GRID2: variants seen among roughly 807,000 people sequenced by gnomAD.
GRID2 encodes the protein glutamate receptor ionotropic, delta-2.
GRID2 carries 33 observed loss-of-function variants against 114.8 expected under a neutral mutation model. The observed-to-expected ratio is 0.29, with a 90% CI of 0.22 to 0.38. The LOEUF is 0.38. GRID2 is among the 10% of genes least tolerant of loss of function. The pLI, the probability that GRID2 is intolerant of heterozygous loss-of-function variation, is 1.00. For synonymous variants in GRID2, 505 were observed against 449.9 expected, an observed-to-expected ratio of 1.12 and a Z score of -1.55; for missense variants, 1,184 against 1,257.7, an observed-to-expected ratio of 0.94 and a Z score of 0.89.
chr4:93,024,519 T>C (rs1578782010), intron 2 of GRID2, among the ~76,000 whole-genome samples: 1 of 151,882 alleles, frequency 6.6e-6, no homozygotes, highest in East Asian at 1.9e-4. Context: ...AAAATCTTTA[T>C]AGTTTAGCAG....
chr4:92,956,384 T>G (rs983572048), intron 2 of GRID2, among the ~76,000 whole-genome samples: 2 of 152,176 alleles, frequency 1.3e-5, no homozygotes, highest in Admixed American at 1.3e-4. Context: ...ATTCTCCTTA[T>G]GTATCCCTCC....
intron 14 of GRID2, among the ~76,000 whole-genome samples, chr4:93,684,700 G>C (rs1434554984): frequency 6.6e-6 from 1 of 151,990 alleles, no homozygotes; most frequent in Non-Finnish European, 1.5e-5. Flanking sequence ...AAACAGGCCA[G>C]GGTGATCAGA....
intron 4 of GRID2, among the ~76,000 whole-genome samples, chr4:93,185,261 G>T (rs1227848871): frequency 6.6e-6 from 1 of 152,100 alleles, no homozygotes; most frequent in African/African-American, 2.4e-5. Context: ...CCTCTATGTG[G>T]TAAGAAATGT....
At chr4:92,566,187 T>C (rs377444636) in intron 1 of GRID2, among the ~76,000 whole-genome samples, 2 of 151,904 alleles carry the variant, frequency 1.3e-5, no homozygotes, top group East Asian at 3.9e-4. Flanking sequence ...CATGTTAAGA[T>C]AAAAGTAAAG....
At chr4:93,806,121 C>T (rs1372632126) in intron 1 of GRID2, among the ~76,000 whole-genome samples, 2 of 151,948 alleles carry the variant, frequency 1.3e-5, no homozygotes, top group Non-Finnish European at 2.9e-5. Context: ...CAAAAAAAAG[C>T]GTATATTCAT....
Position 93,696,898 on chromosome 4 carries a change from A to G in GRID2, c.2360+70463A>G, listed in dbSNP as rs554595514. The stretch of plus-strand genomic sequence containing the variant: ...TATTAATCTACCTTTACAGGCTTCT[A>G]CAGAGTCCATGCAAACATGCAATTC... On this transcript the variant is annotated intron_variant, in intron 14 of 15. Coordinates refer to ENST00000282020, the MANE Select transcript of GRID2 (RefSeq NM_001510.4). Among the ~76,000 whole-genome samples the G allele has an allele frequency of 1.5e-4, 23 of 152,338 alleles. No homozygotes were observed. The South Asian group carries it at 4.8e-3, about 32-fold the overall frequency.
chr4:93,100,206 A>G (rs1001774184), intron 3 of GRID2, among the ~76,000 whole-genome samples: 1 of 151,960 alleles, frequency 6.6e-6, no homozygotes, highest in Non-Finnish European at 1.5e-5. Flanking sequence ...ATCAGCATCA[A>G]TGTAAAGATG....
chr4:92,833,398 G>C (rs1227561758), intron 2 of GRID2, among the ~76,000 whole-genome samples: 2 of 152,158 alleles, frequency 1.3e-5, no homozygotes, highest in Non-Finnish European at 2.9e-5. Flanking sequence ...ATGAGTATCT[G>C]TTCTTTCATC....
chr4:93,682,993 C>G (rs1442976232), intron 14 of GRID2, among the ~76,000 whole-genome samples: 1 of 150,574 alleles, frequency 6.6e-6, no homozygotes, highest in East Asian at 2.0e-4. Flanking sequence ...GAAAAAAAAA[C>G]CCTAGGTTAA....
chr4:93,510,897 T>C (rs1397092158), intron 12 of GRID2, among the ~76,000 whole-genome samples: 3 of 152,292 alleles, frequency 2.0e-5, no homozygotes, highest in African/African-American at 7.2e-5. Flanking sequence ...ATATATCTAA[T>C]AGACTATCAA....
intron 2 of GRID2, among the ~76,000 whole-genome samples, chr4:92,654,695 C>T (rs1732138799): frequency 6.6e-6 from 1 of 151,724 alleles, no homozygotes; most frequent in Admixed American, 6.6e-5. Context: ...TCTCTGTTGG[C>T]TACCTGTATG....
chr4:93,241,193 A>G (rs913437914), intron 8 of GRID2, among the ~76,000 whole-genome samples: 3 of 151,774 alleles, frequency 2.0e-5, no homozygotes, highest in Admixed American at 1.3e-4. Context: ...GATATTTTAT[A>G]TTGATTTTAT....
At chr4:92,631,026 GA>G (rs71579572) in intron 2 of GRID2, among the ~76,000 whole-genome samples, 2 of 148,666 alleles carry the variant, frequency 1.3e-5, no homozygotes, top group African/African-American at 4.9e-5. Context: ...AAAAAAAAAA[GA>G]AAAAAACAAG....
intron 4 of GRID2, among the ~76,000 whole-genome samples, chr4:93,135,660 A>G (rs1213004530): frequency 3.3e-5 from 5 of 152,142 alleles, no homozygotes; most frequent in Admixed American, 3.3e-4. Flanking sequence ...GTTTGGCTGG[A>G]GCATTTACTT....
chr4:93,080,024 T>C (rs62308202), intron 2 of GRID2, among the ~76,000 whole-genome samples: 12,575 of 152,202 alleles, frequency 0.083, 826 homozygotes, highest in African/African-American at 0.18. Context: ...TGGAAGAATT[T>C]GTTCCAGATG....
At chr4:93,519,700 A>AT (rs1730140037) in intron 13 of GRID2, among the ~76,000 whole-genome samples, 1 of 152,172 alleles carries the variant, frequency 6.6e-6, no homozygotes, top group Non-Finnish European at 1.5e-5. Flanking sequence ...GATTGGTAGG[A>AT]TTTGTAAGTG....
intron 2 of GRID2, among the ~76,000 whole-genome samples, chr4:93,066,895 T>C (rs1221934410): frequency 1.3e-5 from 2 of 152,024 alleles, no homozygotes; most frequent in African/African-American, 2.4e-5. Flanking sequence ...GTCTGTCTTA[T>C]AACCCAGATG....
chr4:93,520,293 C>A (rs1044134240), intron 13 of GRID2, among the ~76,000 whole-genome samples: 3 of 151,506 alleles, frequency 2.0e-5, no homozygotes, highest in Non-Finnish European at 2.9e-5. Flanking sequence ...AGATAACAGA[C>A]AAGCATAAAT....
intron 1 of GRID2, among the ~76,000 whole-genome samples, chr4:92,358,899 CT>C (rs566413452): frequency 6.6e-6 from 1 of 151,838 alleles, no homozygotes; most frequent in African/African-American, 2.4e-5. Context: ...AATATGCATA[CT>C]TTTTTGCATT....
Sources: allele counts gnomAD v4.1 joint callset (sites outside exome capture counted in the v4.1 genomes callset), GRCh38; gene constraint gnomAD v4.1.1; transcripts MANE v1.5; gene names NCBI Gene and HGNC (gene_info 2026-07-23, HGNC 2026-07-21).